Variants in ANO1 observed in about 807,000 individuals in gnomAD.
The protein encoded by ANO1 is anoctamin-1.
Under a neutral mutation model 124.0 loss-of-function variants are expected in ANO1, and 59 were observed. The ratio of observed to expected loss-of-function variants is 0.48; its 90% confidence interval spans 0.39 to 0.59. The LOEUF (loss-of-function observed/expected upper bound fraction) is 0.59, where lower values mean the gene tolerates loss of function less well. Ranked by LOEUF, ANO1 falls within the 20% of genes least tolerant of loss-of-function variation. ANO1 has a pLI of 0.00. For synonymous variants in ANO1, 529 were observed against 532.0 expected (o/e 0.99, Z 0.08); for missense variants, 1,059 against 1,328.0 (o/e 0.80, Z 3.15).
At chr11:70,045,201 C>T (rs528272750) in intron 1 of ANO1, among the ~76,000 whole-genome samples, 2 of 152,156 alleles carry the variant, frequency 1.3e-5, no homozygotes, top group South Asian at 2.1e-4. Flanking sequence ...ATTCCTTGTG[C>T]GATCTTGGCA....
At position 70,167,300 on chromosome 11, in the gene ANO1, G is replaced by C; in HGVS notation, c.2110G>C (p.Glu704Gln). 6.2e-7 allele frequency: 1 copy of C among 1,614,002 alleles called. No homozygotes were observed. Among genetic ancestry groups the C allele is most frequent in the Non-Finnish European group, 8.5e-7 (1 of 1,179,894 alleles). The change falls in exon 21 of 26, where the codon GAG becomes CAG. Residue 704 changes from glutamate to glutamine, a missense_variant. Glu to Gln is a conservative substitution (Grantham distance 29). Around this residue, in one of 2 missense-constraint regions of ANO1, gnomAD observed 809 missense variants for 1,094.9 expected, o/e 0.74. Transcript: ENST00000355303. Reference sequence around the variant, plus strand: ...GAAGCAGCAGAGCCCCCCTGACCACGAGGAGTGTGTGAAGAGGAAACAGCG... The same window carrying C: ...GAAGCAGCAGAGCCCCCCTGACCACCAGGAGTGTGTGAAGAGGAAACAGCG... ...KLKQQSPPDH[E>Q]ECVKRKQRYE...
chr11:70,051,893 A>G (rs567205914), intron 1 of ANO1, among the ~76,000 whole-genome samples: 1 of 152,192 alleles, frequency 6.6e-6, no homozygotes, highest in African/African-American at 2.4e-5. Flanking sequence ...TTCTAATTTT[A>G]TTGAAGATTT....
chr11:70,096,136 C>T (rs1219491369), intron 2 of ANO1, among the ~76,000 whole-genome samples: 1 of 152,208 alleles, frequency 6.6e-6, no homozygotes, highest in Non-Finnish European at 1.5e-5. Context: ...GTCTGCTAGT[C>T]ATTGACCTTT....
chr11:70,176,922 G>A (rs1416020201), intron 22 of ANO1, among the ~76,000 whole-genome samples: 1 of 152,210 alleles, frequency 6.6e-6, no homozygotes, highest in African/African-American at 2.4e-5. Context: ...TGGGGCTGGG[G>A]TGCCGGTTCA....
chr11:70,078,847 G>A, intron 1 of ANO1, 133 bp downstream of exon 1: 1 of 348,982 alleles, frequency 2.9e-6, no homozygotes, highest in Non-Finnish European at 4.4e-6. Context: ...GGTTCGCGGC[G>A]CCCACCCGCG....
intron 25 of ANO1, 105 bp from the exon 26 acceptor site, chr11:70,187,633 G>C: frequency 7.2e-7 from 1 of 1,390,474 alleles, no homozygotes; most frequent in Non-Finnish European, 9.7e-7. Flanking sequence ...AATGGGCCAG[G>C]AGGTGGTGGG....
intron 1 of ANO1, among the ~76,000 whole-genome samples, chr11:70,001,560 A>C (rs1419481281): frequency 2.0e-5 from 3 of 152,188 alleles, no homozygotes; most frequent in Non-Finnish European, 4.4e-5. Flanking sequence ...GACGTTGAAC[A>C]AAAAAGGCCA....
chr11:70,061,785 A>C (rs1209853696), intron 1 of ANO1, among the ~76,000 whole-genome samples: 1 of 152,096 alleles, frequency 6.6e-6, no homozygotes. Flanking sequence ...TTGTACACAT[A>C]AAGGAGTGAC....
At chr11:70,183,002 G>C (rs181650477) in intron 24 of ANO1, among the ~76,000 whole-genome samples, 2 of 152,096 alleles carry the variant, frequency 1.3e-5, no homozygotes, top group Non-Finnish European at 2.9e-5. Context: ...CTAGCTACTC[G>C]GGAGGCTGAG....
At chr11:70,034,276 G>A (rs552251972) in intron 1 of ANO1, among the ~76,000 whole-genome samples, 12 of 152,188 alleles carry the variant, frequency 7.9e-5, no homozygotes, top group South Asian at 2.1e-4. Context: ...ACATGCTGTC[G>A]GGAGGGGCAG....
chr11:70,135,399 A>G (rs746665314), intron 11 of ANO1, among the ~76,000 whole-genome samples: 1 of 152,192 alleles, frequency 6.6e-6, no homozygotes, highest in Non-Finnish European at 1.5e-5. Context: ...TCTGACACAC[A>G]GGGTTATGAA....
intron 1 of ANO1, among the ~76,000 whole-genome samples, chr11:70,086,812 C>G (rs764390802): frequency 6.6e-6 from 1 of 152,234 alleles, no homozygotes; most frequent in Non-Finnish European, 1.5e-5. Flanking sequence ...CCTCCCTCCC[C>G]TTCACCCTAC....
In ANO1 at chr11:70,121,774, G is replaced by A. The variant is rs934794488; in HGVS notation, c.898-2576G>A. Among the ~76,000 whole-genome samples the A allele has an allele frequency of 9.2e-5, 9 of 97,870 alleles. 1 individual carries two copies. Among genetic ancestry groups the A allele is most frequent in the Non-Finnish European group, 1.4e-4 (7 of 49,806 alleles). The allele number at this position is 97,870 out of a possible 152,430, so 64.2% of individuals were successfully genotyped here. ...CTCCATCTCCCCCACCTCTCTGTCT[G>A]TCTCTCTATCTCTGTCTCTCCATCT... On this transcript the variant is annotated intron_variant, in intron 8 of 25. Transcript: ENST00000355303.
upstream of ANO1, among the ~76,000 whole-genome samples, chr11:70,074,693 T>C (rs910903835): frequency 3.3e-5 from 5 of 152,164 alleles, no homozygotes; most frequent in African/African-American, 1.2e-4. Context: ...CTGGAGGATA[T>C]TTGACAACAT....
chr11:70,002,173 G>T (rs1187774577), intron 1 of ANO1, among the ~76,000 whole-genome samples: 2 of 151,174 alleles, frequency 1.3e-5, no homozygotes, highest in Non-Finnish European at 3.0e-5. Flanking sequence ...CTTACCAGCT[G>T]AGCGCAGTGG....
At chr11:70,131,787 T>C in intron 10 of ANO1, 132 bp from the exon 11 acceptor site, 1 of 1,066,000 alleles carries the variant, frequency 9.4e-7, no homozygotes, top group South Asian at 1.6e-5. Context: ...ATGTCCACTA[T>C]GGCATGGACC....
intron 1 of ANO1, chr11:70,072,342 G>T (rs1857892174): frequency 6.6e-6 from 1 of 152,320 alleles, no homozygotes; most frequent in Non-Finnish European, 1.5e-5. Context: ...CAACCTGGCA[G>T]AGGCCTTGAC....
upstream of ANO1, chr11:70,075,212 G>A (rs1161210659): frequency 6.6e-6 from 1 of 152,080 alleles, no homozygotes; most frequent in Non-Finnish European, 1.5e-5. Context: ...CTTCCCTGTG[G>A]GCAATGCCAA....
intron 11 of ANO1, among the ~76,000 whole-genome samples, chr11:70,142,141 T>C (rs769416772): frequency 6.6e-6 from 1 of 152,210 alleles, no homozygotes; most frequent in African/African-American, 2.4e-5. Context: ...TTCACTTGGA[T>C]CCATTTTCTG....
Sources: gnomAD v4.1 joint callset for allele counts (sites outside exome capture counted in the v4.1 genomes callset) on GRCh38, gnomAD v4.1.1 for gene constraint, gnomAD v4.1.1 regional missense constraint, MANE v1.5 for transcripts, NCBI Gene and HGNC (gene_info 2026-07-23, HGNC 2026-07-21) for gene names.